NRXN3: variants seen among roughly 807,000 people sequenced by gnomAD.
NRXN3 encodes the protein neurexin 3.
In NRXN3, 32 loss-of-function variants were observed where a neutral mutation model predicts 137.6. The observed-to-expected ratio is 0.23, with a 90% CI of 0.18 to 0.31. The LOEUF (loss-of-function observed/expected upper bound fraction) is 0.31, where lower values mean the gene tolerates loss of function less well. Ranked by LOEUF, NRXN3 falls within the 10% of genes least tolerant of loss-of-function variation. The pLI is 1.00. For missense variants in NRXN3, 1,574 were observed against 2,062.5 expected (o/e 0.76, Z 4.59); for synonymous variants, 798 against 784.5 (o/e 1.02, Z -0.29).
intron 9 of NRXN3, among the ~76,000 whole-genome samples, chr14:78,804,075 T>C (rs1479837632): frequency 6.6e-6 from 1 of 152,184 alleles, no homozygotes; most frequent in African/African-American, 2.4e-5. Context: ...TAAGTTTCCT[T>C]TCTTGGTTTT....
At chr14:79,205,186 G>A (rs971533834) in intron 15 of NRXN3, among the ~76,000 whole-genome samples, 3 of 152,112 alleles carry the variant, frequency 2.0e-5, no homozygotes, top group Admixed American at 6.6e-5. Context: ...CTTTTCCTTA[G>A]CTGCTGCTTC....
At chr14:79,529,236 G>A (rs1030530452) in intron 16 of NRXN3, among the ~76,000 whole-genome samples, 1 of 152,168 alleles carries the variant, frequency 6.6e-6, no homozygotes, top group Non-Finnish European at 1.5e-5. Flanking sequence ...CAGGCGGTAC[G>A]TGACAGGGGC....
chr14:78,681,849 T>C (rs2098079303), intron 6 of NRXN3, among the ~76,000 whole-genome samples: 1 of 152,036 alleles, frequency 6.6e-6, no homozygotes, highest in African/African-American at 2.4e-5. Context: ...GCGTGATTGA[T>C]ACTCGGTTTT....
intron 4 of NRXN3, among the ~76,000 whole-genome samples, chr14:78,534,650 T>A (rs2096514362): frequency 6.6e-6 from 1 of 152,206 alleles, no homozygotes. Context: ...TCTCTCTTTC[T>A]CTTTTATACT....
chr14:78,944,042 A>G (rs2099360492), intron 10 of NRXN3, among the ~76,000 whole-genome samples: 1 of 152,070 alleles, frequency 6.6e-6, no homozygotes, highest in Non-Finnish European at 1.5e-5. Context: ...TTAGGAGGGA[A>G]GTGGAGCTAA....
chr14:79,281,798 G>T (rs555421979), intron 15 of NRXN3: 1 of 152,298 alleles, frequency 6.6e-6, no homozygotes, highest in African/African-American at 2.4e-5. Context: ...ATACTAGGGG[G>T]TTCCTGCCCT....
intron 4 of NRXN3, among the ~76,000 whole-genome samples, chr14:78,551,253 T>G (rs1009522861): frequency 1.2e-4 from 18 of 152,216 alleles, no homozygotes; most frequent in Non-Finnish European, 2.2e-4. Context: ...TGTATTCCTA[T>G]CTATGAATAG....
chr14:78,186,517 C>T (rs1347095493), intron 1 of NRXN3, among the ~76,000 whole-genome samples: 3 of 152,226 alleles, frequency 2.0e-5, no homozygotes, highest in Non-Finnish European at 2.9e-5. Context: ...AGAATCGCTG[C>T]GCTGGTTTCC....
intron 10 of NRXN3, among the ~76,000 whole-genome samples, chr14:78,940,545 A>T (rs1202264565): frequency 6.6e-6 from 1 of 152,200 alleles, no homozygotes; most frequent in Non-Finnish European, 1.5e-5. Flanking sequence ...GCCACTAGTC[A>T]ATGTCCAGTG....
In NRXN3 at chr14:79,536,985, T is replaced by C. The variant is rs139630429; in HGVS notation, c.3444+69583T>C. Among the ~76,000 whole-genome samples, 168 of 152,242 alleles carry C rather than the reference T, an allele frequency of 1.1e-3. 1 individual carries two copies. In the East Asian group the frequency reaches 0.025, roughly 23 times the overall value. On this transcript the variant is annotated intron_variant, in intron 16 of 20. Transcript: ENST00000335750. ...TTTGGGTATACATCTTGTAATAGGA[T>C]TGCTGGGTCTAATGGTATTTCTGGT...
intron 4 of NRXN3, among the ~76,000 whole-genome samples, chr14:78,577,594 T>G (rs1433688938): frequency 6.6e-6 from 1 of 152,124 alleles, no homozygotes; most frequent in Non-Finnish European, 1.5e-5. Flanking sequence ...GCCTCCCAAA[T>G]AGCTGGGATT....
At chr14:79,500,236 C>CAAAAA (rs34976297) in intron 16 of NRXN3, among the ~76,000 whole-genome samples, 3 of 88,410 alleles carry the variant, frequency 3.4e-5, no homozygotes, top group Non-Finnish European at 4.3e-5. Context: ...AAAAAGAAGG[C>CAAAAA]AAAAAAAAAA....
In NRXN3 at chr14:79,000,297, G is replaced by A. The variant is rs566560375; in HGVS notation, c.3262+12156G>A. Among the ~76,000 whole-genome samples, 4 of 151,962 alleles carry A rather than the reference G, an allele frequency of 2.6e-5. No homozygotes were observed. The East Asian group carries it at 5.8e-4, about 22-fold the overall frequency. On this transcript the variant is annotated intron_variant, in intron 15 of 20. Coordinates refer to ENST00000335750, the MANE Select transcript of NRXN3 (RefSeq NM_001330195.2). ...TATAAATAAATATAAGTTTTCTTTAGGAGTTTTCCCAATTCTTCTGAGATG... is the reference window on the plus strand; with the variant it reads ...TATAAATAAATATAAGTTTTCTTTAAGAGTTTTCCCAATTCTTCTGAGATG...
chr14:78,790,384 G>A (rs548251334), intron 8 of NRXN3, among the ~76,000 whole-genome samples: 6 of 152,266 alleles, frequency 3.9e-5, no homozygotes, highest in South Asian at 2.1e-4. Context: ...GCAGGACTCC[G>A]TTGAGAATGT....
At chr14:79,121,540 T>C (rs2055434620) in intron 15 of NRXN3, among the ~76,000 whole-genome samples, 1 of 152,252 alleles carries the variant, frequency 6.6e-6, no homozygotes, top group Non-Finnish European at 1.5e-5. Context: ...TTTTCATTTT[T>C]TATTTTTTAT....
chr14:78,925,207 A>C (rs941237819), intron 10 of NRXN3, among the ~76,000 whole-genome samples: 1 of 152,228 alleles, frequency 6.6e-6, no homozygotes, highest in Non-Finnish European at 1.5e-5. Context: ...GTCTGTCTAG[A>C]AATCAATTGT....
intron 19 of NRXN3, among the ~76,000 whole-genome samples, chr14:79,713,263 G>A (rs980636714): frequency 7.1e-6 from 1 of 141,148 alleles, no homozygotes; most frequent in Non-Finnish European, 1.5e-5. Context: ...TGAACCACAT[G>A]CTGCTGCCCC....
At chr14:79,671,183 A>T (rs1440598318) in intron 17 of NRXN3, among the ~76,000 whole-genome samples, 5 of 152,246 alleles carry the variant, frequency 3.3e-5, no homozygotes, top group African/African-American at 1.2e-4. Context: ...TTAGATTAGG[A>T]ACAGTCTATG....
rs535901678 is a variant in NRXN3 at position 79,493,978 on chromosome 14, A to G, written c.3444+26576A>G. The stretch of plus-strand genomic sequence containing the variant: ...GTCAGACTTTAAGTTCCTTGAATAT[A>G]GGGTCCTAGTCTTCTTGCCCATCCT... On this transcript the variant is annotated intron_variant, in intron 16 of 20. Coordinates refer to ENST00000335750, the MANE Select transcript of NRXN3 (RefSeq NM_001330195.2). Among the ~76,000 whole-genome samples the G allele has an allele frequency of 2.0e-5, 3 of 152,324 alleles. No homozygotes were observed. In the South Asian group the frequency reaches 6.2e-4, roughly 32 times the overall value.
Sources: gnomAD v4.1 joint callset for allele counts (sites outside exome capture counted in the v4.1 genomes callset) on GRCh38, gnomAD v4.1.1 for gene constraint, MANE v1.5 for transcripts, NCBI Gene and HGNC (gene_info 2026-07-23, HGNC 2026-07-21) for gene names.